Variants in FNIP2 observed in about 807,000 individuals in gnomAD.
FNIP2 encodes the protein folliculin interacting protein 2, also known as folliculin-interacting protein 2.
In FNIP2, 32 loss-of-function variants were observed where a neutral mutation model predicts 108.7. That is an observed-to-expected ratio of 0.29 (90% CI 0.22 to 0.40). The LOEUF (loss-of-function observed/expected upper bound fraction) is 0.40, where lower values mean the gene tolerates loss of function less well. Ranked by LOEUF, FNIP2 falls within the 10% of genes least tolerant of loss-of-function variation. FNIP2 has a pLI of 1.00. For synonymous variants in FNIP2, 480 were observed against 496.7 expected (o/e 0.97, Z 0.45); for missense variants, 1,202 against 1,381.6 (o/e 0.87, Z 2.06).
chr4:158,781,188 TGAAAG>T (rs903686107), intron 1 of FNIP2, among the ~76,000 whole-genome samples: 1 of 152,104 alleles, frequency 6.6e-6, no homozygotes, highest in Non-Finnish European at 1.5e-5. Flanking sequence ...CCTATTAAGA[TGAAAG>T]GAAGGAGTGA....
chr4:158,881,818 C>A (rs1345234678), intron 14 of FNIP2, among the ~76,000 whole-genome samples: 1 of 152,232 alleles, frequency 6.6e-6, no homozygotes, highest in African/African-American at 2.4e-5. Flanking sequence ...CACCTCCCAG[C>A]CGCCTGCCTT....
At chr4:158,857,944 T>TC (rs1780079973) in intron 8 of FNIP2, among the ~76,000 whole-genome samples, 8 of 151,982 alleles carry the variant, frequency 5.3e-5, no homozygotes, top group Admixed American at 5.2e-4. Flanking sequence ...TGAGACCCTG[T>TC]CCCCCCAAAA....
At position 158,833,989 on chromosome 4, in the gene FNIP2, A is replaced by G. The variant is rs571306374; in HGVS notation, c.655+361A>G. On this transcript the variant is annotated intron_variant, in intron 6 of 16. Coordinates refer to ENST00000264433, the MANE Select transcript of FNIP2 (RefSeq NM_020840.3). ...CTACTTGTGCCTCTCTAGAAATCCA[A>G]GGGGCTCTTGTGATCACAGATATTG... 9.6e-5 allele frequency: 72 copies of G among 751,578 alleles called. 2 individuals carry two copies. The South Asian group carries it at 1.0e-3, about 11-fold the overall frequency. 46.6% of individuals were successfully genotyped at this position (751,578 alleles called of 1,614,324 possible).
chr4:158,833,406 A>G, intron 5 of FNIP2, 122 bp from the exon 6 acceptor site: 1 of 602,536 alleles, frequency 1.7e-6, no homozygotes, highest in Non-Finnish European at 2.9e-6. Context: ...TTGTTTATAA[A>G]GAAAAGTATT....
At chr4:158,874,566 C>T (rs971622333) in intron 14 of FNIP2, among the ~76,000 whole-genome samples, 1 of 150,238 alleles carries the variant, frequency 6.7e-6, no homozygotes, top group Non-Finnish European at 1.5e-5. Flanking sequence ...AGGCAGAAGG[C>T]TTGCTTAAGC....
At chr4:158,809,577 T>C (rs547006674) in intron 1 of FNIP2, among the ~76,000 whole-genome samples, 1 of 152,344 alleles carries the variant, frequency 6.6e-6, no homozygotes, top group Non-Finnish European at 1.5e-5. Context: ...CCAACAACTT[T>C]TGAGTTTTTC....
At chr4:158,833,873 G>A (rs1303079453) in intron 6 of FNIP2, 1 of 1,447,386 alleles carries the variant, frequency 6.9e-7, no homozygotes. Context: ...CTCACCCGGA[G>A]TGCTTCTTTC....
chr4:158,837,436 G>A (rs1183868736), intron 7 of FNIP2, among the ~76,000 whole-genome samples: 1 of 152,132 alleles, frequency 6.6e-6, no homozygotes, highest in African/African-American at 2.4e-5. Context: ...GAATTTGAGG[G>A]ACCTAACAAA....
At chr4:158,774,501 T>C (rs1578809736) in intron 1 of FNIP2, among the ~76,000 whole-genome samples, 1 of 152,184 alleles carries the variant, frequency 6.6e-6, no homozygotes, top group African/African-American at 2.4e-5. Context: ...TTGAATAAAT[T>C]TCATAGAATC....
At chr4:158,819,392 T>A (rs1777753885) in intron 1 of FNIP2, among the ~76,000 whole-genome samples, 1 of 140,112 alleles carries the variant, frequency 7.1e-6, no homozygotes, top group Non-Finnish European at 1.7e-5. Context: ...ATTGGAATTG[T>A]TTGTAAATTA....
At chr4:158,777,121 A>G (rs556569783) in intron 1 of FNIP2, among the ~76,000 whole-genome samples, 11 of 152,230 alleles carry the variant, frequency 7.2e-5, no homozygotes, top group Non-Finnish European at 1.3e-4. Flanking sequence ...GCTGTCAGAA[A>G]TGACCTACTG....
intron 7 of FNIP2, among the ~76,000 whole-genome samples, chr4:158,850,693 T>C (rs180768333): frequency 2.1e-4 from 31 of 147,038 alleles, no homozygotes; most frequent in Admixed American, 8.3e-4. Flanking sequence ...GACAGGATAC[T>C]AGATGGGGAA....
At chr4:158,806,822 A>T (rs1232277338) in intron 1 of FNIP2, among the ~76,000 whole-genome samples, 1 of 152,174 alleles carries the variant, frequency 6.6e-6, no homozygotes, top group Non-Finnish European at 1.5e-5. Context: ...TTCACTTCAT[A>T]GTCTGCGTGG....
At chr4:158,770,972 G>C (rs1262651532) in intron 1 of FNIP2, among the ~76,000 whole-genome samples, 1 of 152,120 alleles carries the variant, frequency 6.6e-6, no homozygotes, top group East Asian at 1.9e-4. Flanking sequence ...TTAACTGAGT[G>C]TATTTGAACA....
chr4:158,841,419 C>T (rs1779125379), intron 7 of FNIP2, among the ~76,000 whole-genome samples: 1 of 152,156 alleles, frequency 6.6e-6, no homozygotes, highest in Non-Finnish European at 1.5e-5. Context: ...AGAAACAAGT[C>T]AGGTTCTTTA....
chr4:158,782,386 ACT>A (rs1413658606), intron 1 of FNIP2, among the ~76,000 whole-genome samples: 1 of 150,872 alleles, frequency 6.6e-6, no homozygotes, highest in Non-Finnish European at 1.5e-5. Flanking sequence ...AAAAAACAAA[ACT>A]CTTACAAGCT....
intron 1 of FNIP2, among the ~76,000 whole-genome samples, chr4:158,801,038 G>T (rs899197437): frequency 5.9e-5 from 9 of 151,946 alleles, no homozygotes; most frequent in African/African-American, 1.5e-4. Context: ...TATTTCCCAG[G>T]TAGTTCCACA....
Position 158,769,097 on chromosome 4 carries a change from GCAAGGCTGGGCGGCCGCGC to G in FNIP2, c.-114_-96del. 1 of 250,550 alleles carries G rather than the reference GCAAGGCTGGGCGGCCGCGC, an allele frequency of 4.0e-6. No homozygotes were observed. The highest frequency in any genetic ancestry group is 6.2e-6 in the Non-Finnish European group (1 of 160,944). 15.5% of individuals were successfully genotyped at this position (250,550 alleles called of 1,614,324 possible). A position where few individuals can be genotyped will look rare whatever the true frequency, so the allele number is the denominator to read the frequency against. On this transcript the variant is annotated 5_prime_UTR_variant, in exon 1 of 17. Transcript: ENST00000264433. ...TCAGTCGCAGCGGCCCCGCGCTCCCGCAAGGCTGGGCGGCCGCGCCGCCGCGATGGCCCCGCCACCGCGG... is the reference window on the plus strand; with the variant it reads ...TCAGTCGCAGCGGCCCCGCGCTCCCGCGCCGCGATGGCCCCGCCACCGCGG...
chr4:158,884,155 GAA>G (rs984103951), intron 14 of FNIP2, among the ~76,000 whole-genome samples: 1 of 152,050 alleles, frequency 6.6e-6, no homozygotes, highest in African/African-American at 2.4e-5. Context: ...ACATAGAAAA[GAA>G]ATATATTAAT....
Sources: allele counts gnomAD v4.1 joint callset (sites outside exome capture counted in the v4.1 genomes callset), GRCh38; gene constraint gnomAD v4.1.1; transcripts MANE v1.5; gene names NCBI Gene and HGNC (gene_info 2026-07-23, HGNC 2026-07-21).